CAPZA2: variants seen among roughly 807,000 people sequenced by gnomAD.
The protein encoded by CAPZA2 is F-actin-capping protein subunit alpha-2.
In CAPZA2, 13 loss-of-function variants were observed where a neutral mutation model predicts 44.0. The observed-to-expected ratio is 0.30, with a 90% CI of 0.19 to 0.47. The LOEUF is 0.47. CAPZA2 is among the 20% of genes least tolerant of loss of function. The pLI is 1.00. For missense variants in CAPZA2, 244 were observed against 338.6 expected (o/e 0.72, Z 2.19); for synonymous variants, 94 against 108.2 (o/e 0.87, Z 0.81).
intron 6 of CAPZA2, among the ~76,000 whole-genome samples, chr7:116,907,398 T>C (rs773511203): frequency 2.0e-5 from 3 of 152,220 alleles, no homozygotes; most frequent in Admixed American, 6.5e-5. Flanking sequence ...GTCTAAAATC[T>C]TGTAGCATTA....
intron 9 of CAPZA2, among the ~76,000 whole-genome samples, chr7:116,916,752 T>G (rs1388108695): frequency 6.6e-6 from 1 of 152,224 alleles, no homozygotes; most frequent in East Asian, 1.9e-4. Context: ...AATATTTGCA[T>G]TATCTATTTA....
chr7:116,888,255 A>G (rs1796788677), intron 2 of CAPZA2, 65 bp downstream of exon 2: 2 of 1,108,606 alleles, frequency 1.8e-6, no homozygotes, highest in Non-Finnish European at 2.7e-6. Flanking sequence ...GAAAACCAAA[A>G]TAATCAAAAT....
rs764118610 is a variant in CAPZA2, at chr7:116,909,870, GT to G, written c.507-355del. The stretch of plus-strand genomic sequence containing the variant: ...TTTGTATTGGTTTTTGTTTTGTTTT[GT>G]TTTTTTTAAGGCTAGTCAAGTGGAG... On this transcript the variant is annotated intron_variant, in intron 6 of 9. Coordinates refer to ENST00000361183, the MANE Select transcript of CAPZA2 (RefSeq NM_006136.3). 2.1e-5 allele frequency: 4 copies of G among 190,226 alleles called. No homozygotes were observed. The South Asian group carries it at 3.1e-4, about 15-fold the overall frequency. The allele number at this position is 190,226 out of a possible 1,614,324, so 11.8% of individuals were successfully genotyped here.
At chr7:116,910,348 T>C in intron 7 of CAPZA2, 37 bp downstream of exon 7, 1 of 975,282 alleles carries the variant, frequency 1.0e-6, no homozygotes, top group Non-Finnish European at 1.7e-6. Flanking sequence ...CTTTAGATGA[T>C]TCTGAACAGA....
Position 116,903,273 on chromosome 7 carries a change from CGTACACA to C in CAPZA2, c.220-903_220-897del, listed in dbSNP as rs1797019756. ...GTGTGTGTGTGTGTGTGTGTGTGTACGTACACACACACATTTTCATTGCATTCTTATA... is the reference window on the plus strand; with the variant it reads ...GTGTGTGTGTGTGTGTGTGTGTGTACCACACATTTTCATTGCATTCTTATA... On this transcript the variant is annotated intron_variant, in intron 4 of 9. Coordinates refer to ENST00000361183, the MANE Select transcript of CAPZA2 (RefSeq NM_006136.3). Among the ~76,000 whole-genome samples, 3 of 105,318 alleles carry C rather than the reference CGTACACA, an allele frequency of 2.8e-5. No individual in the cohort carries two copies. In the South Asian group the frequency reaches 9.0e-4, roughly 32 times the overall value. The allele number at this position is 105,318 out of a possible 152,430, so 69.1% of individuals were successfully genotyped here.
intron 4 of CAPZA2, among the ~76,000 whole-genome samples, chr7:116,901,637 G>A (rs1006687418): frequency 6.6e-6 from 1 of 151,980 alleles, no homozygotes; most frequent in Non-Finnish European, 1.5e-5. Flanking sequence ...TAATAAACCT[G>A]CACATGTACC....
intron 6 of CAPZA2, among the ~76,000 whole-genome samples, chr7:116,907,620 A>G (rs1279952174): frequency 3.3e-5 from 5 of 152,194 alleles, no homozygotes; most frequent in Non-Finnish European, 7.3e-5. Context: ...TTTAACATAT[A>G]TAAAATGAAG....
chr7:116,899,493 A>G (rs759287088), intron 4 of CAPZA2, among the ~76,000 whole-genome samples: 2 of 151,836 alleles, frequency 1.3e-5, no homozygotes, highest in Non-Finnish European at 2.9e-5. Context: ...TCGTTACGTA[A>G]TATGTAGTCA....
Position 116,918,241 on chromosome 7 carries a change from C to G in CAPZA2, c.*374C>G, listed in dbSNP as rs776641771. The G allele has an allele frequency of 1.1e-5, 2 of 177,966 alleles. No homozygotes were observed. Among genetic ancestry groups the G allele is most frequent in the South Asian group, 1.2e-4 (1 of 8,018 alleles). 11.0% of individuals were successfully genotyped at this position (177,966 alleles called of 1,614,324 possible). ...AGTAATTTTTGATATTTCCCCAGTT[C>G]TTTTTAATGGGGTCAATAATGGACA... is the stretch of plus-strand genomic sequence containing the variant. On this transcript the variant is annotated 3_prime_UTR_variant, in exon 10 of 10. Transcript: ENST00000361183.
At chr7:116,862,726 G>A (rs1258344428) in intron 1 of CAPZA2, 76 bp downstream of exon 1, 1 of 1,456,520 alleles carries the variant, frequency 6.9e-7, no homozygotes, top group Non-Finnish European at 9.2e-7. Context: ...GAGTCTGGTC[G>A]CGGGGGAAGG....
At position 116,912,096 on chromosome 7, in the gene CAPZA2, C is replaced by G; in HGVS notation, c.613C>G (p.Gln205Glu). The change falls in exon 8 of 10, where the codon CAG becomes GAG. Residue 205 changes from glutamine to glutamate, a missense_variant. Gln to Glu is a conservative substitution (Grantham distance 29). Coordinates refer to ENST00000361183, the MANE Select transcript of CAPZA2 (RefSeq NM_006136.3). ...TCATTATTATGAAGATGGTAATGTT[C>G]AGCTAGTGAGTCATAAAGATATACA... ...QVHYYEDGNV[Q>E]LVSHKDIQDS... is the part of the protein sequence containing the mutation. 1 of 1,612,880 alleles carries G rather than the reference C, an allele frequency of 6.2e-7. No homozygotes were observed. Among genetic ancestry groups the G allele is most frequent in the Non-Finnish European group, 8.5e-7 (1 of 1,179,306 alleles).
intron 1 of CAPZA2, chr7:116,876,302 A>C (rs1291486020): frequency 6.6e-6 from 1 of 151,416 alleles, no homozygotes. Context: ...CTGGCTCCTG[A>C]ATTTCAGGGC....
intron 9 of CAPZA2, 99 bp from the exon 10 acceptor site, chr7:116,917,628 A>T: frequency 1.2e-6 from 1 of 850,336 alleles, no homozygotes; most frequent in South Asian, 1.4e-5. Flanking sequence ...ACAGTGAAAC[A>T]GGCTGCTTAA....
intron 6 of CAPZA2, among the ~76,000 whole-genome samples, chr7:116,909,390 A>T (rs1562963446): frequency 6.6e-6 from 1 of 152,126 alleles, no homozygotes; most frequent in Non-Finnish European, 1.5e-5. Context: ...ACGCTAAACT[A>T]CTCATCCAGA....
At chr7:116,900,271 A>G (rs917321564) in intron 4 of CAPZA2, among the ~76,000 whole-genome samples, 1 of 151,952 alleles carries the variant, frequency 6.6e-6, no homozygotes, top group African/African-American at 2.4e-5. Flanking sequence ...CAGCATTATC[A>G]TTTATCATAA....
intron 1 of CAPZA2, among the ~76,000 whole-genome samples, chr7:116,878,589 C>T (rs1796650815): frequency 6.6e-6 from 1 of 152,164 alleles, no homozygotes; most frequent in African/African-American, 2.4e-5. Flanking sequence ...TAAAGCCCCA[C>T]ATCTTAACTG....
At chr7:116,899,550 C>T (rs1266172780) in intron 4 of CAPZA2, among the ~76,000 whole-genome samples, 1 of 151,240 alleles carries the variant, frequency 6.6e-6, no homozygotes, top group Non-Finnish European at 1.5e-5. Flanking sequence ...TGACTTGTAA[C>T]TGAAGGGAAA....
intron 1 of CAPZA2, among the ~76,000 whole-genome samples, chr7:116,878,909 C>T (rs911926891): frequency 2.0e-5 from 3 of 151,592 alleles, no homozygotes; most frequent in Non-Finnish European, 4.4e-5. Flanking sequence ...TGGTGGATCA[C>T]GAGGTCGGGA....
At position 116,883,469 on chromosome 7, in the gene CAPZA2, A is replaced by C. The variant is rs558810106; in HGVS notation, c.40-4658A>C. 1.5e-4 allele frequency among the ~76,000 whole-genome samples: 23 copies of C among 152,354 alleles called. No individual in the cohort carries two copies. The South Asian group carries it at 4.8e-3, about 32-fold the overall frequency. Reference sequence around the variant, plus strand: ...CCTTTCTTTTGTCTAGGGCCTGAGAAATCCAAAGGTCAGATTCTTACCTTT... The same window carrying C: ...CCTTTCTTTTGTCTAGGGCCTGAGACATCCAAAGGTCAGATTCTTACCTTT... On this transcript the variant is annotated intron_variant, in intron 1 of 9. Coordinates refer to ENST00000361183, the MANE Select transcript of CAPZA2 (RefSeq NM_006136.3).
Sources: gnomAD v4.1 joint callset for allele counts (sites outside exome capture counted in the v4.1 genomes callset) on GRCh38, gnomAD v4.1.1 for gene constraint, MANE v1.5 for transcripts, NCBI Gene and HGNC (gene_info 2026-07-23, HGNC 2026-07-21) for gene names.